ZNF385D: variants seen among roughly 807,000 people sequenced by gnomAD.
ZNF385D encodes the protein zinc finger protein 385D.
Under a neutral mutation model 35.8 loss-of-function variants are expected in ZNF385D, and 15 were observed. The ratio of observed to expected loss-of-function variants is 0.42; its 90% CI spans 0.28 to 0.64. The LOEUF (loss-of-function observed/expected upper bound fraction) is 0.64. Among genes scored for constraint, ZNF385D ranks in the 30% least tolerant of loss-of-function variants. ZNF385D has a pLI of 0.23. For synonymous variants in ZNF385D, 212 were observed against 186.8 expected (o/e 1.13, Z -1.10); for missense variants, 474 against 494.6 (o/e 0.96, Z 0.39).
Position 21,564,556 on chromosome 3 carries a change from A to C in ZNF385D, c.276+18T>G. On this transcript the variant is annotated intron_variant, in intron 3 of 7. Transcript: ENST00000281523. ...ATGTATTTTTTTTTTTTAAGTGAAC[A>C]CTAAATGATAAACTTACATCAGAAT... 1 of 1,439,982 alleles carries C rather than the reference A, an allele frequency of 6.9e-7. No individual in the cohort carries two copies. Among genetic ancestry groups the C allele is most frequent in the South Asian group, 1.4e-5 (1 of 70,666 alleles). 89.2% of individuals were successfully genotyped at this position (1,439,982 alleles called of 1,614,324 possible). A position where few individuals can be genotyped will look rare whatever the true frequency, so the allele number is the denominator to read the frequency against.
intron 4 of ZNF385D, among the ~76,000 whole-genome samples, chr3:21,447,953 A>C (rs73042489): frequency 6.6e-6 from 1 of 152,062 alleles, no homozygotes; most frequent in African/African-American, 2.4e-5. Context: ...AATATTGAGT[A>C]TGGAAATAAT....
At chr3:22,244,293 T>C (rs1186353672) in intron 2 of ZNF385D, among the ~76,000 whole-genome samples, 1 of 148,356 alleles carries the variant, frequency 6.7e-6, no homozygotes, top group Non-Finnish European at 1.5e-5. Context: ...TGTTACTCTT[T>C]GGAGAGTTTT....
At chr3:22,098,504 T>C (rs768705765) in intron 3 of ZNF385D, among the ~76,000 whole-genome samples, 17 of 152,098 alleles carry the variant, frequency 1.1e-4, no homozygotes, top group Admixed American at 3.3e-4. Flanking sequence ...GATTTAATTA[T>C]TGGGTGCTTA....
At chr3:21,983,967 T>A (rs1045481621) in intron 3 of ZNF385D, among the ~76,000 whole-genome samples, 2 of 137,578 alleles carry the variant, frequency 1.5e-5, no homozygotes, top group Non-Finnish European at 3.0e-5. Flanking sequence ...TGTCTTCTTT[T>A]GAGAAGTGTC....
chr3:21,971,994 C>A (rs890552749), intron 3 of ZNF385D, among the ~76,000 whole-genome samples: 51 of 151,808 alleles, frequency 3.4e-4, no homozygotes, highest in African/African-American at 1.1e-3. Context: ...GAGGTAGATC[C>A]CAACACAATA....
At chr3:21,573,655 AAAAC>A (rs1204017166) in intron 2 of ZNF385D, among the ~76,000 whole-genome samples, 1 of 152,224 alleles carries the variant, frequency 6.6e-6, no homozygotes, top group Non-Finnish European at 1.5e-5. Flanking sequence ...GAAAGAAACA[AAAAC>A]AAAATAGAGA....
chr3:21,998,258 T>C (rs1695610076), intron 3 of ZNF385D, among the ~76,000 whole-genome samples: 1 of 152,168 alleles, frequency 6.6e-6, no homozygotes, highest in Non-Finnish European at 1.5e-5. Flanking sequence ...ACTCTGCCTA[T>C]GTGATAACTC....
chr3:22,343,593 T>C (rs1575160408), intron 2 of ZNF385D, among the ~76,000 whole-genome samples: 1 of 152,314 alleles, frequency 6.6e-6, no homozygotes, highest in East Asian at 1.9e-4. Context: ...CTTGGCCATG[T>C]TCCTTGATCT....
chr3:21,930,769 C>G (rs1700967270), intron 3 of ZNF385D, among the ~76,000 whole-genome samples: 1 of 151,930 alleles, frequency 6.6e-6, no homozygotes, highest in Non-Finnish European at 1.5e-5. Context: ...TGCCCATATG[C>G]AAAAACATAA....
At chr3:22,124,339 C>G (rs532331488) in intron 3 of ZNF385D, among the ~76,000 whole-genome samples, 133 of 152,232 alleles carry the variant, frequency 8.7e-4, no homozygotes, top group African/African-American at 3.1e-3. Context: ...TTGATGGACA[C>G]TTAGGTTGAT....
At chr3:21,703,415 G>A (rs961383409) in intron 1 of ZNF385D, among the ~76,000 whole-genome samples, 14 of 151,954 alleles carry the variant, frequency 9.2e-5, no homozygotes, top group African/African-American at 3.1e-4. Flanking sequence ...GATTTGGGTG[G>A]GGACACAGCC....
chr3:22,105,630 C>A (rs920935234), intron 3 of ZNF385D, among the ~76,000 whole-genome samples: 3 of 151,898 alleles, frequency 2.0e-5, no homozygotes, highest in African/African-American at 7.3e-5. Context: ...GAACCAGGAC[C>A]ACCAAGGGCA....
At chr3:22,338,915 C>G (rs1224922287) in intron 2 of ZNF385D, among the ~76,000 whole-genome samples, 1 of 151,582 alleles carries the variant, frequency 6.6e-6, no homozygotes, top group Non-Finnish European at 1.5e-5. Context: ...TGGCCAGGCT[C>G]GTCTCGAACT....
intron 2 of ZNF385D, among the ~76,000 whole-genome samples, chr3:22,206,437 G>A (rs369373502): frequency 1.3e-5 from 2 of 152,034 alleles, no homozygotes; most frequent in East Asian, 3.9e-4. Context: ...GGACCTAATA[G>A]ATATTTACAG....
intron 1 of ZNF385D, among the ~76,000 whole-genome samples, chr3:21,696,923 A>C (rs1173128018): frequency 6.6e-6 from 1 of 152,228 alleles, no homozygotes; most frequent in Non-Finnish European, 1.5e-5. Context: ...TATCCTGTTA[A>C]TATTTCTTTG....
chr3:22,129,994 T>C (rs75919314), intron 3 of ZNF385D, among the ~76,000 whole-genome samples: 2,768 of 152,240 alleles, frequency 0.018, 101 homozygotes, highest in African/African-American at 0.062. Flanking sequence ...CTACTGCTGA[T>C]GTTTATTCAA....
In ZNF385D at chr3:22,264,399, A is replaced by G. The variant is rs6762203; in HGVS notation, c.107-95364T>C. Among the ~76,000 whole-genome samples the G allele has an allele frequency of 7.9e-3, 1,206 of 152,160 alleles. 12 individuals are homozygous for G. The highest frequency in any genetic ancestry group is 0.027 in the African/African-American group (1,112 of 41,550). On this transcript the variant is annotated intron_variant, in intron 2 of 5. Transcript: ENST00000494108. Reference sequence around the variant, plus strand: ...TGAATGCTTACTAAAAGCCAAGACAATTGATCAGTGGCAGGGCTGTGTTGC... The same window carrying G: ...TGAATGCTTACTAAAAGCCAAGACAGTTGATCAGTGGCAGGGCTGTGTTGC...
At chr3:21,731,116 G>C (rs1474943466) in intron 1 of ZNF385D, among the ~76,000 whole-genome samples, 1 of 152,144 alleles carries the variant, frequency 6.6e-6, no homozygotes, top group Non-Finnish European at 1.5e-5. Flanking sequence ...TTTGTGCAGA[G>C]TTTGCAAAAA....
intron 2 of ZNF385D, among the ~76,000 whole-genome samples, chr3:22,355,423 AAAC>A (rs749936452): frequency 1.9e-4 from 29 of 152,160 alleles, no homozygotes; most frequent in Admixed American, 1.0e-3. Context: ...TATTTCAGTA[AAAC>A]AACAGTCAGA....
Sources: gnomAD v4.1 joint callset for allele counts (sites outside exome capture counted in the v4.1 genomes callset) on GRCh38, gnomAD v4.1.1 for gene constraint, MANE v1.5 for transcripts, NCBI Gene and HGNC (gene_info 2026-07-23, HGNC 2026-07-21) for gene names.